Variants in COL14A1 observed in about 807,000 individuals in gnomAD.
COL14A1 encodes the protein collagen alpha-1(XIV) chain.
Under a neutral mutation model 230.3 loss-of-function variants are expected in COL14A1, and 136 were observed. That is an observed-to-expected ratio of 0.59 (90% CI 0.51 to 0.68). COL14A1 has a LOEUF of 0.68. COL14A1 is among the 30% of genes least tolerant of loss of function. The probability of loss-of-function intolerance (pLI) is 0.00; values close to 1 mark genes in which losing one functional copy is unlikely to be tolerated. For synonymous variants in COL14A1, 792 were observed against 784.1 expected, an observed-to-expected ratio of 1.01 and a Z score of -0.17; for missense variants, 1,976 against 2,215.8, an observed-to-expected ratio of 0.89 and a Z score of 2.17.
chr8:120,144,692 T>C (rs1257449440), intron 1 of COL14A1, among the ~76,000 whole-genome samples: 1 of 152,168 alleles, frequency 6.6e-6, no homozygotes, highest in Non-Finnish European at 1.5e-5. Context: ...AGTTGTCAAC[T>C]TGGAAAATCC....
At chr8:120,146,048 TG>T (rs1306850777) in intron 1 of COL14A1, among the ~76,000 whole-genome samples, 1 of 152,186 alleles carries the variant, frequency 6.6e-6, no homozygotes, top group Non-Finnish European at 1.5e-5. Context: ...CATGTCTATG[TG>T]GTTAAAATCC....
At chr8:120,333,075 A>G (rs973540330) in intron 42 of COL14A1, among the ~76,000 whole-genome samples, 1 of 152,260 alleles carries the variant, frequency 6.6e-6, no homozygotes, top group Non-Finnish European at 1.5e-5. Context: ...GGGTTCCCAA[A>G]GGGAAAAATA....
At position 120,371,730 on chromosome 8, in the gene COL14A1, T is replaced by G. The variant is rs1410692212; in HGVS notation, c.*499T>G. The G allele has an allele frequency of 2.5e-6, 1 of 397,540 alleles. No homozygotes were observed. The highest frequency in any genetic ancestry group is 4.4e-6 in the Non-Finnish European group (1 of 225,162). 24.6% of individuals were successfully genotyped at this position (397,540 alleles called of 1,614,324 possible). ...GAAACTACCTCTTGTTTAATTGATC[T>G]GTCCAACTCTGAGATCACTTGGTAA... On this transcript the variant is annotated 3_prime_UTR_variant, in exon 48 of 48. Transcript: ENST00000297848.
Position 120,208,269 on chromosome 8 carries a change from A to C in COL14A1, c.1229A>C (p.Lys410Thr), listed in dbSNP as rs769463305. ...GGAACTGTATCTTCCACAGTGTTGA[A>C]AAACTTGATGTCTTTAACTGAATAT... ...VDGTVSSTVL[K>T]NLMSLTEYQI... The change falls in exon 11 of 48, where the codon AAA (lysine) becomes ACA (threonine). Residue 410 changes from lysine (K) to threonine (T), a missense_variant. Coordinates refer to ENST00000297848, the MANE Select transcript of COL14A1 (RefSeq NM_021110.4). 6.2e-7 allele frequency: 1 copy of C among 1,613,606 alleles called. No homozygotes were observed. The highest frequency in any genetic ancestry group is 1.1e-5 in the South Asian group (1 of 91,034).
intron 25 of COL14A1, 167 bp downstream of exon 25, chr8:120,267,050 A>G: frequency 1.7e-6 from 1 of 595,754 alleles, no homozygotes; most frequent in South Asian, 2.1e-5. Context: ...AATGATATCC[A>G]TTTAATATCA....
chr8:120,139,027 A>G (rs4424312), intron 1 of COL14A1, among the ~76,000 whole-genome samples: 1,590 of 152,242 alleles, frequency 0.01, 27 homozygotes, highest in African/African-American at 0.036. Context: ...TATGAGTAAA[A>G]CTTAGCTAGC....
chr8:120,195,187 C>T (rs2130703583), intron 5 of COL14A1, among the ~76,000 whole-genome samples: 1 of 152,192 alleles, frequency 6.6e-6, no homozygotes, highest in South Asian at 2.1e-4. Context: ...CAAAATGTGG[C>T]CTGGTAGGCG....
intron 5 of COL14A1, among the ~76,000 whole-genome samples, chr8:120,195,729 G>A (rs1056748020): frequency 2.0e-5 from 3 of 152,188 alleles, no homozygotes; most frequent in African/African-American, 4.8e-5. Flanking sequence ...AGACTTATTC[G>A]CTATTCAGAG....
intron 21 of COL14A1, among the ~76,000 whole-genome samples, chr8:120,249,977 G>A (rs1586803715): frequency 6.6e-6 from 1 of 152,094 alleles, no homozygotes; most frequent in African/African-American, 2.4e-5. Context: ...AGAAGCAGGA[G>A]GTAAATAAAT....
chr8:120,192,628 T>G (rs1261571782), intron 5 of COL14A1, among the ~76,000 whole-genome samples: 1 of 152,238 alleles, frequency 6.6e-6, no homozygotes, highest in Non-Finnish European at 1.5e-5. Flanking sequence ...CTGGATAATA[T>G]CTTGCAGAGT....
At chr8:120,307,482 A>G (rs933659573) in intron 36 of COL14A1, among the ~76,000 whole-genome samples, 1 of 152,238 alleles carries the variant, frequency 6.6e-6, no homozygotes, top group African/African-American at 2.4e-5. Context: ...TCACACAACG[A>G]CAAAATTGCC....
intron 1 of COL14A1, among the ~76,000 whole-genome samples, chr8:120,130,649 A>T (rs1283914675): frequency 1.3e-5 from 2 of 152,236 alleles, no homozygotes; most frequent in Non-Finnish European, 2.9e-5. Context: ...GGAGAAAATT[A>T]AAAGAATTTA....
At chr8:120,220,823 T>C (rs992413670) in intron 14 of COL14A1, among the ~76,000 whole-genome samples, 1 of 152,096 alleles carries the variant, frequency 6.6e-6, no homozygotes, top group Non-Finnish European at 1.5e-5. Flanking sequence ...GTGATGATGA[T>C]GGTGATAATG....
chr8:120,146,998 T>A (rs563761069), intron 1 of COL14A1, among the ~76,000 whole-genome samples: 26 of 152,182 alleles, frequency 1.7e-4, no homozygotes, highest in Non-Finnish European at 2.8e-4. Context: ...TCATTGTTTT[T>A]TCCCCTCCAA....
At chr8:120,200,713 ATT>A (rs1491443402) in intron 8 of COL14A1, among the ~76,000 whole-genome samples, 10 of 78,470 alleles carry the variant, frequency 1.3e-4, no homozygotes, top group African/African-American at 3.7e-4. Flanking sequence ...AAGTTTTCCT[ATT>A]TATATATATA....
chr8:120,186,670 A>G (rs1305290767), intron 5 of COL14A1, among the ~76,000 whole-genome samples: 1 of 152,228 alleles, frequency 6.6e-6, no homozygotes, highest in Non-Finnish European at 1.5e-5. Flanking sequence ...CCAGTGCGGT[A>G]GTGTGGCAGG....
At chr8:120,194,161 C>A (rs758205964) in intron 5 of COL14A1, among the ~76,000 whole-genome samples, 7 of 152,174 alleles carry the variant, frequency 4.6e-5, no homozygotes, top group African/African-American at 7.2e-5. Flanking sequence ...TGGAAGCTGT[C>A]GACCGGAGCC....
At position 120,289,689 on chromosome 8, in the gene COL14A1, G is replaced by A. The variant is rs1256873340; in HGVS notation, c.4159G>A (p.Ala1387Thr). 1.2e-6 allele frequency: 2 copies of A among 1,614,116 alleles called. No homozygotes were observed. The highest frequency in any genetic ancestry group is 1.1e-5 in the South Asian group (1 of 91,086). The part of the protein sequence containing the change: ...QVGEKAMNAS[A>T]NITSDGVEVL... ...GGGTGAGAAGGCAATGAACGCATCAGCTAATATCACGTCAGATGGTGTAGA... is the reference window on the plus strand; with the variant it reads ...GGGTGAGAAGGCAATGAACGCATCAACTAATATCACGTCAGATGGTGTAGA... The change falls in exon 34 of 48, where the codon GCT becomes ACT. Residue 1387 changes from alanine (A) to threonine (T), a missense_variant. By Grantham distance (58) the Ala-to-Thr change is moderately conservative. Around this residue, in one of 3 missense-constraint regions of COL14A1, gnomAD observed 1,791 missense variants for 2,019.5 expected, o/e 0.89. Coordinates refer to ENST00000297848, the MANE Select transcript of COL14A1 (RefSeq NM_021110.4).
intron 36 of COL14A1, among the ~76,000 whole-genome samples, chr8:120,307,578 G>A (rs534978745): frequency 8.5e-5 from 13 of 152,214 alleles, no homozygotes; most frequent in Admixed American, 2.6e-4. Flanking sequence ...AAGAGAAAAA[G>A]ACATGTAACC....
Sources: gnomAD v4.1 joint callset for allele counts (sites outside exome capture counted in the v4.1 genomes callset) on GRCh38, gnomAD v4.1.1 for gene constraint, gnomAD v4.1.1 regional missense constraint, MANE v1.5 for transcripts, NCBI Gene and HGNC (gene_info 2026-07-23, HGNC 2026-07-21) for gene names.